The following LRRC7 variants were observed in gnomAD, a reference collection of about 807,000 sequenced individuals.
LRRC7 encodes the protein leucine rich repeat containing 7, also known as leucine-rich repeat-containing protein 7.
Under a neutral mutation model 175.7 loss-of-function variants are expected in LRRC7, and 23 were observed. That is an observed-to-expected ratio of 0.13 (90% CI 0.09 to 0.19). The LOEUF is 0.19. LRRC7 is among the 10% of genes least tolerant of loss of function. LRRC7 has a pLI of 1.00. For synonymous variants in LRRC7, 685 were observed against 680.9 expected (o/e 1.01, Z -0.09); for missense variants, 1,354 against 1,904.7 (o/e 0.71, Z 5.38).
At chr1:70,051,134 C>T (rs1344966672) in intron 22 of LRRC7, among the ~76,000 whole-genome samples, 1 of 151,764 alleles carries the variant, frequency 6.6e-6, no homozygotes, top group African/African-American at 2.4e-5. Context: ...TTTTTAACAC[C>T]AAAAAGAATT....
At chr1:69,778,841 G>A (rs551225849) in intron 3 of LRRC7, among the ~76,000 whole-genome samples, 87 of 151,700 alleles carry the variant, frequency 5.7e-4, no homozygotes, top group Non-Finnish European at 1.1e-3. Flanking sequence ...ACTCATGACT[G>A]ATCAGGGCAT....
chr1:69,799,268 A>G (rs1459035290), intron 4 of LRRC7, among the ~76,000 whole-genome samples: 1 of 152,106 alleles, frequency 6.6e-6, no homozygotes, highest in Non-Finnish European at 1.5e-5. Context: ...CATACAATGC[A>G]TAGTGGTAAA....
chr1:69,762,171 C>G (rs1671110345), intron 3 of LRRC7, among the ~76,000 whole-genome samples: 1 of 151,922 alleles, frequency 6.6e-6, no homozygotes. Context: ...CTAGGCCAAT[C>G]TGGTCATTTT....
chr1:70,094,471 G>A (rs964676284), intron 25 of LRRC7, among the ~76,000 whole-genome samples: 1 of 152,222 alleles, frequency 6.6e-6, no homozygotes, highest in East Asian at 1.9e-4. Flanking sequence ...CATAGAAAAT[G>A]TAAACTATTA....
At chr1:69,909,307 T>C (rs1403114648) in intron 7 of LRRC7, among the ~76,000 whole-genome samples, 1 of 152,206 alleles carries the variant, frequency 6.6e-6, no homozygotes, top group Non-Finnish European at 1.5e-5. Flanking sequence ...TTTGGTCCTG[T>C]CATTATGATG....
chr1:69,969,105 A>G (rs1424327352), intron 8 of LRRC7, among the ~76,000 whole-genome samples: 1 of 152,150 alleles, frequency 6.6e-6, no homozygotes, highest in Non-Finnish European at 1.5e-5. Flanking sequence ...GATGTGAGCC[A>G]CCGTGCCTGG....
At chr1:69,695,908 C>A (rs1306390935) in intron 2 of LRRC7, among the ~76,000 whole-genome samples, 1 of 152,208 alleles carries the variant, frequency 6.6e-6, no homozygotes, top group Admixed American at 6.5e-5. Context: ...TGTGGGAAAT[C>A]CTGGGTGCCC....
intron 7 of LRRC7, among the ~76,000 whole-genome samples, chr1:69,913,922 G>A (rs1232692940): frequency 6.6e-6 from 1 of 152,162 alleles, no homozygotes; most frequent in African/African-American, 2.4e-5. Flanking sequence ...TTTATTCAAA[G>A]AGATGAATTA....
At chr1:69,916,314 T>C (rs1168959005) in intron 7 of LRRC7, among the ~76,000 whole-genome samples, 3 of 140,186 alleles carry the variant, frequency 2.1e-5, no homozygotes, top group Non-Finnish European at 3.0e-5. Flanking sequence ...TATATATATA[T>C]ATAGTTTTGT....
At chr1:69,772,023 A>G (rs920891793) in intron 3 of LRRC7, among the ~76,000 whole-genome samples, 3 of 152,154 alleles carry the variant, frequency 2.0e-5, no homozygotes, top group Non-Finnish European at 4.4e-5. Context: ...CAGGAGGCTG[A>G]GGCAGGAGAA....
chr1:69,753,847 T>C (rs934044831), intron 2 of LRRC7, among the ~76,000 whole-genome samples: 1 of 152,072 alleles, frequency 6.6e-6, no homozygotes, highest in Non-Finnish European at 1.5e-5. Flanking sequence ...TATGGTAATA[T>C]AGTCCCAAGA....
chr1:69,831,495 C>T (rs1196980936), intron 5 of LRRC7, among the ~76,000 whole-genome samples: 2 of 151,990 alleles, frequency 1.3e-5, no homozygotes, highest in African/African-American at 4.8e-5. Flanking sequence ...ACCCTGCCCT[C>T]TCCTGATATT....
intron 21 of LRRC7, 73 bp downstream of exon 21, chr1:70,039,866 T>C (rs754110614): frequency 2.7e-6 from 4 of 1,496,286 alleles, no homozygotes; most frequent in South Asian, 1.4e-5. Flanking sequence ...TCTAAGCACA[T>C]GTAGTGAAGC....
At chr1:70,038,076 C>G (rs368094990) in intron 20 of LRRC7, 37 bp from the exon 21 acceptor site, 10 of 1,551,934 alleles carry the variant, frequency 6.4e-6, no homozygotes, top group Non-Finnish European at 8.7e-6. Flanking sequence ...CCCAACTCTT[C>G]GTCCTTTTCA....
chr1:69,956,822 C>A (rs561858719), intron 8 of LRRC7, among the ~76,000 whole-genome samples: 1 of 151,326 alleles, frequency 6.6e-6, no homozygotes, highest in African/African-American at 2.4e-5. Context: ...AATAATCCAT[C>A]GAACTCTAAT....
intron 7 of LRRC7, among the ~76,000 whole-genome samples, chr1:69,915,108 G>T (rs189280551): frequency 1.1e-4 from 17 of 152,274 alleles, no homozygotes; most frequent in Admixed American, 8.5e-4. Flanking sequence ...TTCTCCTCTA[G>T]TAAAAAGGGA....
At chr1:69,704,713 A>G (rs550451961) in intron 2 of LRRC7, among the ~76,000 whole-genome samples, 1 of 152,078 alleles carries the variant, frequency 6.6e-6, no homozygotes, top group East Asian at 1.9e-4. Context: ...TTCTTCATAA[A>G]TCTAATACAT....
chr1:69,891,013 A>G (rs1220996414), intron 7 of LRRC7, among the ~76,000 whole-genome samples: 2 of 152,256 alleles, frequency 1.3e-5, no homozygotes, highest in Non-Finnish European at 2.9e-5. Flanking sequence ...CCACATTAGC[A>G]GTAAGCCTGT....
At chr1:69,871,312 T>C (rs1685506451) in intron 7 of LRRC7, among the ~76,000 whole-genome samples, 1 of 152,062 alleles carries the variant, frequency 6.6e-6, no homozygotes, top group Admixed American at 6.6e-5. Flanking sequence ...ACTGTTCTGT[T>C]AGACAATTTT....
Sources: gnomAD v4.1 joint callset for allele counts (sites outside exome capture counted in the v4.1 genomes callset) on GRCh38, gnomAD v4.1.1 for gene constraint, MANE v1.5 for transcripts, NCBI Gene and HGNC (gene_info 2026-07-23, HGNC 2026-07-21) for gene names.